The following STRBP variants were observed in gnomAD, a reference collection of about 807,000 sequenced individuals.
The protein encoded by STRBP is spermatid perinuclear RNA binding protein.
In STRBP, 13 loss-of-function variants were observed where a neutral mutation model predicts 80.1. That is an observed-to-expected ratio of 0.16 (90% CI 0.11 to 0.26). The LOEUF (loss-of-function observed/expected upper bound fraction) is 0.26. Among genes scored for constraint, STRBP ranks in the 10% least tolerant of loss-of-function variants. The probability of loss-of-function intolerance (pLI) is 1.00; values close to 1 mark genes in which losing one functional copy is unlikely to be tolerated. For missense variants in STRBP, 485 were observed against 815.2 expected (o/e 0.59, Z 4.93); for synonymous variants, 284 against 291.2 (o/e 0.98, Z 0.25).
chr9:123,253,001 T>C (rs1300786950), intron 1 of STRBP, among the ~76,000 whole-genome samples: 2 of 152,166 alleles, frequency 1.3e-5, no homozygotes. Flanking sequence ...AGTTTTTTAA[T>C]AGGGGCAAAA....
chr9:123,114,868 T>G (rs566518362), intron 3 of STRBP: 3 of 278,820 alleles, frequency 1.1e-5, no homozygotes, highest in Non-Finnish European at 2.2e-5. Flanking sequence ...CCCTACCCAA[T>G]CCGGCAGAGG....
intron 1 of STRBP, among the ~76,000 whole-genome samples, chr9:123,242,245 A>G (rs2040710270): frequency 6.6e-6 from 1 of 152,206 alleles, no homozygotes; most frequent in Non-Finnish European, 1.5e-5. Context: ...TTATTCATAT[A>G]CTATCTCTTC....
chr9:123,128,069 A>AT, intron 18 of STRBP, 145 bp downstream of exon 18: 1 of 1,013,186 alleles, frequency 9.9e-7, no homozygotes, highest in Non-Finnish European at 1.5e-6. Flanking sequence ...AGGTTGTGGC[A>AT]TTTTCAAAAG....
At position 123,115,611 on chromosome 9, in the gene STRBP, G is replaced by A. The variant is rs1391756448; in HGVS notation, c.*84+318C>T. On this transcript the variant is annotated intron_variant and NMD_transcript_variant, in intron 3 of 3. Coordinates refer to the STRBP transcript ENST00000471564. This position sits in a 1 kb window ranked among gnomAD's most constrained non-coding sequence, Gnocchi z 5.0. ...TCACAGAGCCTGGTAAGAAGCAGTA[G>A]GTGACAGTGAATGGTTTTTCTCAAT... 1 of 344,514 alleles carries A rather than the reference G, an allele frequency of 2.9e-6. No individual in the cohort carries two copies. Among genetic ancestry groups the A allele is most frequent in the African/African-American group, 2.1e-5 (1 of 46,586 alleles). 21.3% of individuals were successfully genotyped at this position (344,514 alleles called of 1,614,324 possible). A position where few individuals can be genotyped will look rare whatever the true frequency, so the allele number is the denominator to read the frequency against.
At chr9:123,246,157 C>T (rs1403475430) in intron 1 of STRBP, among the ~76,000 whole-genome samples, 3 of 152,216 alleles carry the variant, frequency 2.0e-5, no homozygotes, top group Admixed American at 6.5e-5. Flanking sequence ...AAAATAACCT[C>T]GTGACTTTCA....
chr9:123,190,428 T>G (rs2038880469), intron 2 of STRBP, among the ~76,000 whole-genome samples: 1 of 151,724 alleles, frequency 6.6e-6, no homozygotes. Flanking sequence ...AAAAGAACAC[T>G]GAATTTCAAT....
chr9:123,111,463 T>TA, intron 3 of STRBP: 1 of 332,390 alleles, frequency 3.0e-6, no homozygotes, highest in South Asian at 2.3e-5. Context: ...ATATTTAGGT[T>TA]AGAGTCAAGC....
intron 2 of STRBP, among the ~76,000 whole-genome samples, chr9:123,215,239 T>C (rs189362708): frequency 1.8e-4 from 27 of 152,176 alleles, no homozygotes; most frequent in African/African-American, 5.8e-4. Context: ...TGTTTTATTG[T>C]AGAGACACGT....
At chr9:123,255,183 G>A (rs2041003523) in intron 1 of STRBP, among the ~76,000 whole-genome samples, 1 of 152,202 alleles carries the variant, frequency 6.6e-6, no homozygotes, top group African/African-American at 2.4e-5. Context: ...GGCATAGAAA[G>A]CTACATCCTC....
At chr9:123,132,741 T>TTA (rs1461337621) in intron 17 of STRBP, 104 bp downstream of exon 17, 1 of 1,459,392 alleles carries the variant, frequency 6.9e-7, no homozygotes, top group African/African-American at 1.4e-5. Context: ...CATGCCTGTG[T>TTA]TATATTTCCA....
chr9:123,172,660 A>C (rs2038059064), intron 5 of STRBP, among the ~76,000 whole-genome samples: 1 of 152,190 alleles, frequency 6.6e-6, no homozygotes. Flanking sequence ...AGAATGTGCC[A>C]ATCAGTAAAA....
intron 1 of STRBP, among the ~76,000 whole-genome samples, chr9:123,256,018 CTTTTTTTTTTT>C (rs11338372): frequency 1.4e-4 from 10 of 71,490 alleles, no homozygotes; most frequent in South Asian, 4.5e-4. Flanking sequence ...TCCTTTCTTT[CTTTTTTTTTTT>C]TTTTTTTTTT....
At chr9:123,111,251 A>T (rs1390046773) in intron 3 of STRBP, 3 of 188,984 alleles carry the variant, frequency 1.6e-5, no homozygotes, top group African/African-American at 7.2e-5. Flanking sequence ...CCACGGACCC[A>T]CCACACCAAA....
At chr9:123,217,516 A>T (rs1337908089) in intron 2 of STRBP, among the ~76,000 whole-genome samples, 1 of 152,234 alleles carries the variant, frequency 6.6e-6, no homozygotes, top group Admixed American at 6.5e-5. Context: ...AGACCACAGA[A>T]GATCTGAAAT....
intron 2 of STRBP, among the ~76,000 whole-genome samples, chr9:123,214,918 C>T (rs191988540): frequency 2.0e-4 from 30 of 152,216 alleles, no homozygotes; most frequent in African/African-American, 6.7e-4. Context: ...TAGATTGCTT[C>T]GCATTATAGT....
intron 17 of STRBP, among the ~76,000 whole-genome samples, chr9:123,130,151 T>C (rs2036073217): frequency 6.6e-6 from 1 of 152,158 alleles, no homozygotes; most frequent in Non-Finnish European, 1.5e-5. Context: ...AAGGTATCTG[T>C]GAATGGCACC....
chr9:123,265,394 C>T (rs199893982), intron 1 of STRBP, among the ~76,000 whole-genome samples: 3 of 152,100 alleles, frequency 2.0e-5, no homozygotes, highest in African/African-American at 7.2e-5. Context: ...CCAAAGCGAA[C>T]CTTTTATTTG....
chr9:123,250,072 A>G (rs145553777), intron 1 of STRBP, among the ~76,000 whole-genome samples: 91 of 152,362 alleles, frequency 6.0e-4, no homozygotes, highest in African/African-American at 2.0e-3. Flanking sequence ...ATGTTCACTG[A>G]TCTGGTTTCA....
At chr9:123,185,452 C>A (rs955742519) in intron 2 of STRBP, among the ~76,000 whole-genome samples, 2 of 152,090 alleles carry the variant, frequency 1.3e-5, no homozygotes, top group African/African-American at 4.8e-5. Flanking sequence ...ATGGGACTTA[C>A]TTTATTATTA....
Sources: gnomAD v4.1 joint callset for allele counts (sites outside exome capture counted in the v4.1 genomes callset) on GRCh38, gnomAD v4.1.1 for gene constraint, Gnocchi (gnomAD v3.1) non-coding constraint, MANE v1.5 for transcripts, NCBI Gene and HGNC (gene_info 2026-07-23, HGNC 2026-07-21) for gene names.